The following CCDC122 variants were observed in gnomAD, a reference collection of about 807,000 sequenced individuals.
CCDC122 encodes coiled-coil domain-containing protein 122.
Under a neutral mutation model 37.0 loss-of-function variants are expected in CCDC122, and 38 were observed. That is an observed-to-expected ratio of 1.03 (90% CI 0.79 to 1.35). The LOEUF (loss-of-function observed/expected upper bound fraction) is 1.35, where lower values mean the gene tolerates loss of function less well. Among genes scored for constraint, CCDC122 ranks in the 40% most tolerant of loss-of-function variants. The pLI is 0.00. For missense variants in CCDC122, 305 were observed against 310.0 expected (o/e 0.98, Z 0.12); for synonymous variants, 83 against 95.6 (o/e 0.87, Z 0.77).
At chr13:43,864,478 G>A (rs1319854537) in intron 4 of CCDC122, among the ~76,000 whole-genome samples, 1 of 152,176 alleles carries the variant, frequency 6.6e-6, no homozygotes, top group Non-Finnish European at 1.5e-5. Flanking sequence ...TCTACTCATG[G>A]TAGAAGGTGA....
chr13:43,819,866 G>A (rs894902470), downstream of CCDC122, among the ~76,000 whole-genome samples: 11 of 152,002 alleles, frequency 7.2e-5, no homozygotes, highest in East Asian at 1.9e-4. Flanking sequence ...ATATAAAAAT[G>A]TGATTTCTAA....
At chr13:43,833,779 A>T (rs1953112743), downstream of CCDC122, among the ~76,000 whole-genome samples, 1 of 150,600 alleles carries the variant, frequency 6.6e-6, no homozygotes, top group African/African-American at 2.4e-5. Context: ...TGACACAACA[A>T]GTCCACCAGG....
At chr13:43,843,060 AAAG>A (rs1315337926) in intron 6 of CCDC122, among the ~76,000 whole-genome samples, 1 of 152,082 alleles carries the variant, frequency 6.6e-6, no homozygotes, top group African/African-American at 2.4e-5. Flanking sequence ...AATGATGCAT[AAAG>A]AAGGTGATAT....
intron 4 of CCDC122, among the ~76,000 whole-genome samples, chr13:43,865,565 T>C (rs575455346): frequency 1.3e-5 from 2 of 152,280 alleles, no homozygotes; most frequent in Admixed American, 6.5e-5. Context: ...CGATATACTA[T>C]AATAAAAGTT....
At chr13:43,865,758 C>A (rs1954255392) in intron 4 of CCDC122, among the ~76,000 whole-genome samples, 1 of 152,140 alleles carries the variant, frequency 6.6e-6, no homozygotes, top group Non-Finnish European at 1.5e-5. Flanking sequence ...CCACCACGCC[C>A]AGCCAGGAAT....
chr13:43,826,517 C>T (rs1341848589), intron 3 of CCDC122, among the ~76,000 whole-genome samples: 1 of 152,094 alleles, frequency 6.6e-6, no homozygotes, highest in African/African-American at 2.4e-5. Flanking sequence ...ATAATTAAAG[C>T]ATCTGGGAAA....
intron 3 of CCDC122, among the ~76,000 whole-genome samples, chr13:43,826,444 T>C (rs1413880781): frequency 6.6e-6 from 1 of 152,204 alleles, no homozygotes; most frequent in African/African-American, 2.4e-5. Context: ...TCCATTTTGC[T>C]ATGTACATTA....
chr13:43,821,545 T>C (rs1488950962), downstream of CCDC122, among the ~76,000 whole-genome samples: 1 of 152,204 alleles, frequency 6.6e-6, no homozygotes, highest in Admixed American at 6.5e-5. Flanking sequence ...TTTGATAAGT[T>C]CTCTGCTCTT....
intron 4 of CCDC122, among the ~76,000 whole-genome samples, chr13:43,865,705 T>C (rs968023778): frequency 6.6e-6 from 1 of 152,138 alleles, no homozygotes; most frequent in African/African-American, 2.4e-5. Context: ...CCTCAAGTTA[T>C]CCATCTGCCT....
At chr13:43,825,828 G>A (rs1013167471) in intron 3 of CCDC122, among the ~76,000 whole-genome samples, 4 of 151,100 alleles carry the variant, frequency 2.6e-5, no homozygotes, top group Admixed American at 2.0e-4. Flanking sequence ...CTTCCTGTTG[G>A]GTATGTCTTC....
At chr13:43,827,941 T>C (rs1953054869) in intron 3 of CCDC122, among the ~76,000 whole-genome samples, 1 of 152,210 alleles carries the variant, frequency 6.6e-6, no homozygotes, top group Admixed American at 6.5e-5. Context: ...GAATAGTATG[T>C]CAAAGCACAT....
At chr13:43,877,093 G>A (rs141089612) in intron 1 of CCDC122, among the ~76,000 whole-genome samples, 57 of 152,248 alleles carry the variant, frequency 3.7e-4, no homozygotes, top group African/African-American at 1.0e-3. Context: ...GCGACAGAGC[G>A]AGACTTCATC....
Position 43,837,326 on chromosome 13 carries a change from T to C in CCDC122, c.776A>G (p.Glu259Gly). The C allele has an allele frequency of 6.2e-7, 1 of 1,614,092 alleles. No homozygotes were observed. Among genetic ancestry groups the C allele is most frequent in the Middle Eastern group, 1.7e-4 (1 of 6,060 alleles). Reference protein sequence around the residue: ...RQWQWNIQQLEKTAAELRKCI... With the variant: ...RQWQWNIQQLGKTAAELRKCI... The stretch of plus-strand genomic sequence containing the variant: ...TTTTCTTAATTCGGCTGCAGTTTTT[T>C]CCAATTGTTGAATGTTCCATTGCCA... Residue 259 changes from glutamate (E) to glycine (G), a missense_variant, in exon 7 of 7, where the codon GAA becomes GGA. Physicochemically the swap from Glu to Gly is moderately conservative, Grantham distance 98 (BLOSUM62 -2). Coordinates refer to ENST00000444614, the MANE Select transcript of CCDC122 (RefSeq NM_144974.5).
Position 43,868,807 on chromosome 13 carries a change from C to T in CCDC122, c.47-4G>A, listed in dbSNP as rs758052892. The stretch of plus-strand genomic sequence containing the variant: ...AATGAACTTGTGTCTTGGTTATCTA[C>T]AATTAGACAAAAGAATAAAGTATAT... On this transcript the variant is annotated splice_region_variant and splice_polypyrimidine_tract_variant and intron_variant, in intron 3 of 6. Coordinates refer to ENST00000444614, the MANE Select transcript of CCDC122 (RefSeq NM_144974.5). 1 of 1,396,818 alleles carries T rather than the reference C, an allele frequency of 7.2e-7. No homozygotes were observed. The allele number at this position is 1,396,818 out of a possible 1,614,324, so 86.5% of individuals were successfully genotyped here. A position where few individuals can be genotyped will look rare whatever the true frequency, so the allele number is the denominator to read the frequency against.
chr13:43,826,487 A>T (rs1254699031), intron 3 of CCDC122, among the ~76,000 whole-genome samples: 1 of 152,152 alleles, frequency 6.6e-6, no homozygotes, highest in African/African-American at 2.4e-5. Flanking sequence ...AGCAGCCATA[A>T]TTGTGCTAAA....
intron 3 of CCDC122, 102 bp from the exon 4 acceptor site, chr13:43,868,905 T>C (rs945709211): frequency 3.4e-6 from 2 of 590,008 alleles, no homozygotes; most frequent in Non-Finnish European, 5.3e-6. Context: ...ATTTGATACT[T>C]TTTCCTTCTA....
intron 4 of CCDC122, among the ~76,000 whole-genome samples, chr13:43,861,224 T>C (rs1414131691): frequency 6.6e-6 from 1 of 152,198 alleles, no homozygotes; most frequent in African/African-American, 2.4e-5. Context: ...TAATAATAGA[T>C]GCAGAAGAGT....
chr13:43,851,021 C>A (rs1953709794), intron 6 of CCDC122, among the ~76,000 whole-genome samples: 1 of 151,934 alleles, frequency 6.6e-6, no homozygotes, highest in Non-Finnish European at 1.5e-5. Flanking sequence ...CACTAGAAAT[C>A]ACAGAGACCA....
At chr13:43,823,773 A>C (rs1953013799), downstream of CCDC122, 1 of 152,436 alleles carries the variant, frequency 6.6e-6, no homozygotes, top group South Asian at 2.1e-4. Flanking sequence ...CCCTCCCTCA[A>C]GTGCACAGAT....
Sources: allele counts gnomAD v4.1 joint callset (sites outside exome capture counted in the v4.1 genomes callset), GRCh38; gene constraint gnomAD v4.1.1; transcripts MANE v1.5; gene names NCBI Gene and HGNC (gene_info 2026-07-23, HGNC 2026-07-21).